GOLGA5: variants seen among roughly 807,000 people sequenced by gnomAD.
The protein encoded by GOLGA5 is golgin subfamily A member 5.
In GOLGA5, 50 loss-of-function variants were observed where a neutral mutation model predicts 93.5. The observed-to-expected ratio is 0.53, with a 90% CI of 0.43 to 0.68. GOLGA5 has a LOEUF of 0.68. Ranked by LOEUF, GOLGA5 falls within the 30% of genes least tolerant of loss-of-function variation. The pLI is 0.00. For synonymous variants in GOLGA5, 312 were observed against 304.5 expected (o/e 1.02, Z -0.26); for missense variants, 760 against 856.4 (o/e 0.89, Z 1.40).
At position 92,797,586 on chromosome 14, in the gene GOLGA5, C is replaced by G; in HGVS notation, c.149C>G (p.Thr50Arg). Residue 50 changes from threonine (T) to arginine (R), a missense_variant, in exon 2 of 13, where the codon ACA (threonine) becomes AGA (arginine). Physicochemically the swap from Thr to Arg is moderately conservative, Grantham distance 71 (BLOSUM62 -1). Transcript: ENST00000163416. ...TDYTELHQQN[T>R]DLIYQTGPKS... The stretch of plus-strand genomic sequence containing the variant: ...TATACTGAACTTCACCAGCAAAATA[C>G]AGATTTGATATATCAGACTGGACCT... 6.2e-7 allele frequency: 1 copy of G among 1,613,580 alleles called. No homozygotes were observed. The highest frequency in any genetic ancestry group is 1.1e-5 in the South Asian group (1 of 91,074).
intron 6 of GOLGA5, among the ~76,000 whole-genome samples, chr14:92,814,001 T>C (rs1319808037): frequency 2.0e-5 from 3 of 152,068 alleles, no homozygotes; most frequent in Non-Finnish European, 2.9e-5. Flanking sequence ...GTATGAATGA[T>C]GTTTCCTTGT....
chr14:92,811,756 TA>T lies in GOLGA5; in HGVS notation c.1320+4del. ...CAAAAAGCTACTAGAATACTGCAAGTAAGCATGAAATGTACACTTTTGGATG... is the reference window on the plus strand; with the variant it reads ...CAAAAAGCTACTAGAATACTGCAAGTAGCATGAAATGTACACTTTTGGATG... On this transcript the variant is annotated splice_donor_region_variant and intron_variant, in intron 6 of 12. Transcript: ENST00000163416. 6.3e-7 allele frequency: 1 copy of T among 1,596,232 alleles called. No homozygotes were observed. Among genetic ancestry groups the T allele is most frequent in the Non-Finnish European group, 8.6e-7 (1 of 1,163,830 alleles).
chr14:92,795,076 A>T (rs1240417901), intron 1 of GOLGA5, among the ~76,000 whole-genome samples: 1 of 80,954 alleles, frequency 1.2e-5, no homozygotes. Context: ...GAGGCAAGAT[A>T]TAAAGAATTA....
chr14:92,815,467 C>T (rs1055992201), intron 6 of GOLGA5, among the ~76,000 whole-genome samples: 10 of 152,014 alleles, frequency 6.6e-5, no homozygotes, highest in Non-Finnish European at 8.8e-5. Context: ...ATCTTTATTG[C>T]GCAGAACACT....
chr14:92,797,455 T>C lies in GOLGA5; in HGVS notation c.18T>C (p.Asp6=), dbSNP rs149593701. The C allele has an allele frequency of 1.2e-6, 2 of 1,607,292 alleles. No individual in the cohort carries two copies. The highest frequency in any genetic ancestry group is 3.4e-5 in the Admixed American group (2 of 58,606). Reference sequence around the variant, plus strand: ...CTGCCATCATGTCTTGGTTTGTTGATCTTGCTGGAAAGGCAGAAGATCTTT... The same window carrying C: ...CTGCCATCATGTCTTGGTTTGTTGACCTTGCTGGAAAGGCAGAAGATCTTT... MSWFV[D]LAGKAEDLLN... Residue 6 remains aspartate, a synonymous_variant, in exon 2 of 13, where the codon GAT becomes GAC. Coordinates refer to ENST00000163416, the MANE Select transcript of GOLGA5 (RefSeq NM_005113.4).
In GOLGA5 at chr14:92,833,272, C is replaced by G. The variant is rs760960210; in HGVS notation, c.1870C>G (p.Gln624Glu). 4 of 1,613,838 alleles carry G rather than the reference C, an allele frequency of 2.5e-6. No individual in the cohort carries two copies. Among genetic ancestry groups the G allele is most frequent in the African/African-American group, 1.3e-5 (1 of 74,908 alleles). The change falls in exon 10 of 13, where the codon CAG (glutamine) becomes GAG (glutamate). Residue 624 changes from glutamine (Q) to glutamate (E), a missense_variant. By Grantham distance (29) the Gln-to-Glu change is conservative (BLOSUM62 2). Coordinates refer to ENST00000163416, the MANE Select transcript of GOLGA5 (RefSeq NM_005113.4). ...GGTCTTTCAACTGGAGCGCCTCGAA[C>G]AGCAGATGAACTCCGCCTCTGGAAG... ...SLVFQLERLE[Q>E]QMNSASGSSS...
chr14:92,830,127 T>C (rs1885499602), intron 9 of GOLGA5, among the ~76,000 whole-genome samples: 1 of 152,170 alleles, frequency 6.6e-6, no homozygotes, highest in Non-Finnish European at 1.5e-5. Context: ...GAGACTAGCC[T>C]GACCAACATG....
intron 2 of GOLGA5, among the ~76,000 whole-genome samples, chr14:92,800,902 A>C (rs975071396): frequency 7.9e-5 from 12 of 152,378 alleles, no homozygotes; most frequent in African/African-American, 2.6e-4. Flanking sequence ...AACTGGTTAT[A>C]ATACACAGGA....
chr14:92,838,489 T>A (rs929746403), intron 12 of GOLGA5, among the ~76,000 whole-genome samples: 1 of 152,112 alleles, frequency 6.6e-6, no homozygotes, highest in Non-Finnish European at 1.5e-5. Context: ...TGCCTCAGCC[T>A]GCCGAGTACC....
At chr14:92,807,218 C>T (rs1885007622) in intron 3 of GOLGA5, among the ~76,000 whole-genome samples, 1 of 152,096 alleles carries the variant, frequency 6.6e-6, no homozygotes, top group African/African-American at 2.4e-5. Flanking sequence ...AGGGGAGTTG[C>T]TTGAACCAGG....
intron 6 of GOLGA5, among the ~76,000 whole-genome samples, chr14:92,812,433 C>T (rs948027567): frequency 1.3e-5 from 2 of 152,132 alleles, no homozygotes; most frequent in African/African-American, 2.4e-5. Flanking sequence ...ATCTCGGACT[C>T]CTGCCTAAGA....
At chr14:92,804,102 C>T (rs1486602757) in intron 2 of GOLGA5, among the ~76,000 whole-genome samples, 1 of 152,104 alleles carries the variant, frequency 6.6e-6, no homozygotes, top group Non-Finnish European at 1.5e-5. Flanking sequence ...TAGTTTTCTT[C>T]CTTCCTGCCT....
intron 2 of GOLGA5, among the ~76,000 whole-genome samples, chr14:92,802,127 A>G (rs1010811466): frequency 6.6e-6 from 1 of 152,198 alleles, no homozygotes; most frequent in Admixed American, 6.5e-5. Flanking sequence ...GAGAGTCAGC[A>G]CTTTTGCTAT....
At chr14:92,798,843 G>A (rs983548577) in intron 2 of GOLGA5, among the ~76,000 whole-genome samples, 1 of 152,162 alleles carries the variant, frequency 6.6e-6, no homozygotes, top group African/African-American at 2.4e-5. Flanking sequence ...TTGAGCTCAG[G>A]AGGTCGAGGT....
intron 9 of GOLGA5, among the ~76,000 whole-genome samples, chr14:92,826,293 A>G (rs1042593181): frequency 4.0e-5 from 6 of 149,960 alleles, no homozygotes; most frequent in African/African-American, 1.5e-4. Flanking sequence ...ACATTGCCAA[A>G]AAAAAAAAAA....
intron 2 of GOLGA5, among the ~76,000 whole-genome samples, chr14:92,798,449 T>G (rs763416094): frequency 1.3e-5 from 2 of 152,190 alleles, no homozygotes; most frequent in Admixed American, 6.5e-5. Flanking sequence ...GACTGAACTT[T>G]GATCCAAGTT....
chr14:92,820,271 A>G (rs560570804), intron 8 of GOLGA5, among the ~76,000 whole-genome samples: 2 of 152,214 alleles, frequency 1.3e-5, no homozygotes, highest in Non-Finnish European at 2.9e-5. Context: ...TGTCACAAAT[A>G]AGTTCAAGGG....
intron 2 of GOLGA5, among the ~76,000 whole-genome samples, chr14:92,800,457 G>T (rs1288136851): frequency 6.6e-6 from 1 of 152,238 alleles, no homozygotes; most frequent in African/African-American, 2.4e-5. Flanking sequence ...CACTGAGTGA[G>T]TTGGAGGGTG....
intron 9 of GOLGA5, among the ~76,000 whole-genome samples, chr14:92,831,413 G>C (rs1885527814): frequency 1.3e-5 from 2 of 152,062 alleles, no homozygotes; most frequent in South Asian, 4.1e-4. Flanking sequence ...ACACAACTCA[G>C]ATGAATTTTT....
Sources: allele counts gnomAD v4.1 joint callset (sites outside exome capture counted in the v4.1 genomes callset), GRCh38; gene constraint gnomAD v4.1.1; transcripts MANE v1.5; gene names NCBI Gene and HGNC (gene_info 2026-07-23, HGNC 2026-07-21).